Variants in BAZ1A observed in about 807,000 individuals in gnomAD.
BAZ1A encodes bromodomain adjacent to zinc finger domain protein 1A.
Under a neutral mutation model 185.2 loss-of-function variants are expected in BAZ1A, and 50 were observed. That is an observed-to-expected ratio of 0.27 (90% CI 0.22 to 0.34). The LOEUF (loss-of-function observed/expected upper bound fraction) is 0.34, where lower values mean the gene tolerates loss of function less well. BAZ1A is among the 10% of genes least tolerant of loss of function. The pLI, the probability that BAZ1A is intolerant of heterozygous loss-of-function variation, is 1.00. For synonymous variants in BAZ1A, 571 were observed against 615.6 expected (o/e 0.93, Z 1.07); for missense variants, 1,356 against 1,839.9 (o/e 0.74, Z 4.81).
At chr14:34,831,179 C>T (rs184680096) in intron 3 of BAZ1A, among the ~76,000 whole-genome samples, 1 of 152,196 alleles carries the variant, frequency 6.6e-6, no homozygotes, top group African/African-American at 2.4e-5. Context: ...TCTCATTTAC[C>T]AGCTCTATTC....
chr14:34,769,944 T>G (rs150736859), intron 21 of BAZ1A, among the ~76,000 whole-genome samples: 2 of 152,304 alleles, frequency 1.3e-5, no homozygotes, highest in Admixed American at 6.5e-5. Context: ...TGATTATACA[T>G]ATTTTATTTC....
chr14:34,799,440 A>G (rs1175597486), intron 9 of BAZ1A, among the ~76,000 whole-genome samples: 1 of 152,140 alleles, frequency 6.6e-6, no homozygotes, highest in African/African-American at 2.4e-5. Flanking sequence ...AGAGCATGTA[A>G]TATGATCCTC....
intron 14 of BAZ1A, 24 bp downstream of exon 14, chr14:34,785,753 C>G: frequency 6.2e-7 from 1 of 1,608,650 alleles, no homozygotes; most frequent in Non-Finnish European, 8.5e-7. Context: ...GCAGGTTATG[C>G]AAATTCCAAC....
At position 34,756,464 on chromosome 14, in the gene BAZ1A, C is replaced by CTTTTT. The variant is rs1343693112; in HGVS notation, c.4387-1551_4387-1550insAAAAA. ...GACACACTGCACCCAGCCAGAATAC[C>CTTTTT]TATTTTTTTTTTTTTTTTTTTTTTT... is the stretch of plus-strand genomic sequence containing the variant. On this transcript the variant is annotated intron_variant, in intron 25 of 26. Transcript: ENST00000360310. Among the ~76,000 whole-genome samples the CTTTTT allele has an allele frequency of 5.9e-4, 63 of 107,188 alleles. 3 individuals carry two copies. The highest frequency in any genetic ancestry group is 2.3e-3 in the South Asian group (7 of 3,042). 70.3% of individuals were successfully genotyped at this position (107,188 alleles called of 152,430 possible).
chr14:34,797,839 A>G (rs1017831018), intron 9 of BAZ1A, among the ~76,000 whole-genome samples: 4 of 152,006 alleles, frequency 2.6e-5, no homozygotes, highest in East Asian at 1.9e-4. Context: ...AGGGCGAGCC[A>G]AAGCAGGGCG....
chr14:34,794,795 C>G lies in BAZ1A; in HGVS notation c.1317G>C (p.Gly439=). Residue 439 remains glycine, a synonymous_variant, in exon 11 of 27, where the codon GGG becomes GGC. Coordinates refer to ENST00000360310, the MANE Select transcript of BAZ1A (RefSeq NM_013448.3). ...LMVLEFLNAF[G]ELFDLQDEFP... The stretch of plus-strand genomic sequence containing the variant: ...ACTCATCTTGAAGATCAAAAAGTTC[C>G]CCAAATGCATTAAGGAACTCCAAAA... The G allele has an allele frequency of 6.2e-7, 1 of 1,613,976 alleles. No homozygotes were observed. Among genetic ancestry groups the G allele is most frequent in the Non-Finnish European group, 8.5e-7 (1 of 1,179,956 alleles).
chr14:34,872,913 TAAAAAAAAAAA>T (rs35955993), intron 2 of BAZ1A, among the ~76,000 whole-genome samples: 25,600 of 76,418 alleles, frequency 0.34, 3,546 homozygotes, highest in South Asian at 0.4. Context: ...TTTAAAATCC[TAAAAAAAAAAA>T]AAAAAAAAAA....
At chr14:34,811,130 A>T in intron 4 of BAZ1A, 94 bp from the exon 5 acceptor site, 1 of 898,066 alleles carries the variant, frequency 1.1e-6, no homozygotes, top group East Asian at 2.8e-5. Context: ...ACTATAATAA[A>T]ATCACATATT....
intron 4 of BAZ1A, among the ~76,000 whole-genome samples, chr14:34,820,971 G>A (rs571466247): frequency 1.1e-5 from 1 of 94,158 alleles, no homozygotes; most frequent in Non-Finnish European, 2.7e-5. Flanking sequence ...TAGTTTCAGA[G>A]TAAGTCTTGA....
intron 3 of BAZ1A, among the ~76,000 whole-genome samples, chr14:34,840,641 C>T (rs2042398394): frequency 6.6e-6 from 1 of 151,900 alleles, no homozygotes; most frequent in African/African-American, 2.4e-5. Context: ...CCCCTGTAAT[C>T]CCAGCTACTC....
At chr14:34,856,387 G>C (rs1044734804) in intron 3 of BAZ1A, among the ~76,000 whole-genome samples, 3 of 149,202 alleles carry the variant, frequency 2.0e-5, no homozygotes, top group African/African-American at 7.4e-5. Flanking sequence ...CTGGGCTCGT[G>C]ATCCTCCTGT....
intron 7 of BAZ1A, among the ~76,000 whole-genome samples, chr14:34,802,636 C>T (rs1208376826): frequency 6.6e-6 from 1 of 152,178 alleles, no homozygotes; most frequent in African/African-American, 2.4e-5. Context: ...GTATAGAATC[C>T]TTGTGGTATG....
chr14:34,836,514 G>A (rs2042334561), intron 3 of BAZ1A, among the ~76,000 whole-genome samples: 1 of 151,792 alleles, frequency 6.6e-6, no homozygotes, highest in Non-Finnish European at 1.5e-5. Context: ...CTAGAAGCCT[G>A]GGAAGACCTA....
rs115743484 is a variant in BAZ1A, at chr14:34,776,150, T to C, written c.2602A>G (p.Thr868Ala). Residue 868 changes from threonine (T) to alanine (A), a missense_variant, in exon 18 of 27, where the codon ACC becomes GCC. This residue lies in a region of BAZ1A where 434 missense variants were observed against 561.7 expected (regional missense o/e 0.77). Coordinates refer to ENST00000360310, the MANE Select transcript of BAZ1A (RefSeq NM_013448.3). ...KTGEPLMSES[T>A]SNIDQGPRDH... ...CGTGGACCTTGGTCAATGTTGGAGG[T>C]AGATTCAGACATCAAAGGCTCTCCA... The C allele has an allele frequency of 6.2e-7, 1 of 1,614,146 alleles. No individual in the cohort carries two copies. The highest frequency in any genetic ancestry group is 2.2e-5 in the East Asian group (1 of 44,882).
intron 3 of BAZ1A, among the ~76,000 whole-genome samples, chr14:34,831,925 G>A (rs1468774727): frequency 2.6e-5 from 4 of 151,944 alleles, no homozygotes; most frequent in African/African-American, 4.8e-5. Context: ...GGCTGGGTGC[G>A]ACAGATCACA....
At chr14:34,819,214 G>A (rs535773076) in intron 4 of BAZ1A, among the ~76,000 whole-genome samples, 24 of 150,096 alleles carry the variant, frequency 1.6e-4, no homozygotes, top group Non-Finnish European at 2.5e-4. Flanking sequence ...AATGAAATTC[G>A]TGCATAGGGT....
Position 34,771,671 on chromosome 14 carries a change from A to G in BAZ1A, c.3153-12T>C. On this transcript the variant is annotated splice_polypyrimidine_tract_variant and intron_variant, in intron 20 of 26. Coordinates refer to ENST00000360310, the MANE Select transcript of BAZ1A (RefSeq NM_013448.3). ...TTATCCCCAAAAGTCTACAATTAAAACAATTAAGAGTTTATGGTACTTAAA... is the reference window on the plus strand; with the variant it reads ...TTATCCCCAAAAGTCTACAATTAAAGCAATTAAGAGTTTATGGTACTTAAA... 1.2e-6 allele frequency: 2 copies of G among 1,609,964 alleles called. No homozygotes were observed. The highest frequency in any genetic ancestry group is 1.7e-6 in the Non-Finnish European group (2 of 1,178,720).
Position 34,762,135 on chromosome 14 carries a change from G to T in BAZ1A, c.3865C>A (p.Gln1289Lys), listed in dbSNP as rs759222062. The T allele has an allele frequency of 6.2e-7, 1 of 1,613,340 alleles. No individual in the cohort carries two copies. Among genetic ancestry groups the T allele is most frequent in the Non-Finnish European group, 8.5e-7 (1 of 1,179,994 alleles). ...SSSFSSRGQQ[Q>K]EPGRYPSRSQ... Reference sequence around the variant, plus strand: ...CTTGAAGGGTATCTTCCAGGTTCTTGTTGTTGGCCACGACTTGAGAAAGAA... The same window carrying T: ...CTTGAAGGGTATCTTCCAGGTTCTTTTTGTTGGCCACGACTTGAGAAAGAA... The change falls in exon 24 of 27, where the codon CAA (glutamine) becomes AAA (lysine). Residue 1289 changes from glutamine to lysine, a missense_variant. Transcript: ENST00000360310.
At chr14:34,768,118 G>A (rs915065460) in intron 21 of BAZ1A, among the ~76,000 whole-genome samples, 5 of 152,122 alleles carry the variant, frequency 3.3e-5, no homozygotes, top group Admixed American at 1.3e-4. Flanking sequence ...GGCAGAAAAT[G>A]TCTTGTTTAT....
Sources: gnomAD v4.1 joint callset for allele counts (sites outside exome capture counted in the v4.1 genomes callset) on GRCh38, gnomAD v4.1.1 for gene constraint, gnomAD v4.1.1 regional missense constraint, MANE v1.5 for transcripts, NCBI Gene and HGNC (gene_info 2026-07-23, HGNC 2026-07-21) for gene names.